KDM6A: variants seen among roughly 807,000 people sequenced by gnomAD.
The protein encoded by KDM6A is lysine demethylase 6A, also known as lysine-specific demethylase 6A.
In KDM6A, 11 loss-of-function variants were observed where a neutral mutation model predicts 117.6. The ratio of observed to expected loss-of-function variants is 0.09; its 90% CI spans 0.06 to 0.15. The LOEUF is 0.15. Among genes scored for constraint, KDM6A ranks in the 10% least tolerant of loss-of-function variants. KDM6A has a pLI of 1.00. For synonymous variants in KDM6A, 384 were observed against 396.1 expected (o/e 0.97, Z 0.36); for missense variants, 799 against 1,077.3 (o/e 0.74, Z 3.62).
chrX:45,094,805 T>C (rs2046039051), intron 27 of KDM6A, among the ~76,000 whole-genome samples: 1 of 111,853 alleles, frequency 8.9e-6, no homozygotes, highest in South Asian at 3.7e-4. Context: ...TGAGCTTAAA[T>C]GTATATACGA....
intron 21 of KDM6A, among the ~76,000 whole-genome samples, chrX:45,081,306 T>C (rs1241573760): frequency 8.9e-6 from 1 of 112,062 alleles, no homozygotes; most frequent in African/African-American, 3.2e-5. Context: ...TCAGACACTA[T>C]ACATTTAAAG....
In KDM6A at chrX:44,873,934, G is replaced by A; in HGVS notation, c.172G>A (p.Gly58Arg). The A allele has an allele frequency of 1.7e-6, 2 of 1,211,199 alleles. No homozygotes were observed. Among genetic ancestry groups the A allele is most frequent in the Non-Finnish European group, 2.2e-6 (2 of 894,801 alleles). ...ALGGLDSRLF[G>R]FVRFHEDGAR... ...TGTCTGTCTCCACAGCCGCCTCTTT[G>A]GGTTCGTGAGATTTCATGAAGATGG... The change falls in exon 2 of 30, where the codon GGG becomes AGG. Residue 58 changes from glycine to arginine, a missense_variant. Transcript: ENST00000611820.
At chrX:44,897,138 CTTTTT>C (rs752521695) in intron 2 of KDM6A, among the ~76,000 whole-genome samples, 2 of 73,026 alleles carry the variant, frequency 2.7e-5, no homozygotes, top group Non-Finnish European at 5.6e-5. Context: ...AGGCTTTGTT[CTTTTT>C]TTTTTTTTTT....
chrX:44,989,229 C>T (rs1186540930), intron 4 of KDM6A, among the ~76,000 whole-genome samples: 1 of 99,449 alleles, frequency 1.0e-5, no homozygotes, highest in African/African-American at 3.7e-5. Context: ...ATCTGGTATG[C>T]CGTTTGCTAA....
intron 16 of KDM6A, 85 bp from the exon 17 acceptor site, chrX:45,063,337 T>A (rs902686620): frequency 2.3e-6 from 2 of 878,891 alleles, no homozygotes; most frequent in Non-Finnish European, 3.3e-6. Flanking sequence ...CATATTCATC[T>A]GGGGATTCAT....
At chrX:45,086,924 A>G (rs986539897) in intron 25 of KDM6A, among the ~76,000 whole-genome samples, 2 of 112,735 alleles carry the variant, frequency 1.8e-5, no homozygotes, top group African/African-American at 6.4e-5. Flanking sequence ...GAAAACACCC[A>G]CAGAAAACAT....
chrX:44,998,611 T>A (rs1230955898), intron 4 of KDM6A, among the ~76,000 whole-genome samples: 1 of 111,628 alleles, frequency 9.0e-6, no homozygotes, highest in African/African-American at 3.3e-5. Flanking sequence ...TGTTTTTCTT[T>A]CCCAGATCTG....
In KDM6A at chrX:44,894,206, T is replaced by C. The variant is rs1480442191; in HGVS notation, c.225+20219T>C. ...GTAACATTTTTTGTACAGTATCTGG[T>C]TTTGGTGTCAGGATAATACCAGCCT... is the stretch of plus-strand genomic sequence containing the variant. On this transcript the variant is annotated intron_variant, in intron 2 of 29. Transcript: ENST00000611820. Among the ~76,000 whole-genome samples the C allele has an allele frequency of 2.7e-5, 3 of 111,847 alleles. No individual in the cohort carries two copies. In the Admixed American group the frequency reaches 2.9e-4, roughly 11 times the overall value.
chrX:44,896,400 C>T (rs1419636634), intron 2 of KDM6A, among the ~76,000 whole-genome samples: 1 of 111,323 alleles, frequency 9.0e-6, no homozygotes, highest in East Asian at 2.8e-4. Context: ...CTTAAGTGTA[C>T]TTACATTCTC....
chrX:44,959,635 G>A (rs188830793), intron 2 of KDM6A, among the ~76,000 whole-genome samples: 435 of 111,108 alleles, frequency 3.9e-3, no homozygotes, highest in Non-Finnish European at 7.0e-3. Flanking sequence ...ATTCATTAAT[G>A]TAAAATTAAG....
At chrX:44,920,738 C>CT (rs967026311) in intron 2 of KDM6A, among the ~76,000 whole-genome samples, 3 of 110,648 alleles carry the variant, frequency 2.7e-5, no homozygotes, top group African/African-American at 9.9e-5. Context: ...GCCTGGCCTA[C>CT]TTTTAACATT....
At chrX:45,088,798 A>G (rs1298855199) in intron 25 of KDM6A, among the ~76,000 whole-genome samples, 1 of 113,112 alleles carries the variant, frequency 8.8e-6, no homozygotes, top group East Asian at 2.8e-4. Context: ...ATGATGGAGA[A>G]TAAGAAGCCA....
chrX:44,981,383 T>A (rs2039898853), intron 4 of KDM6A, among the ~76,000 whole-genome samples: 1 of 111,718 alleles, frequency 9.0e-6, no homozygotes, highest in Non-Finnish European at 1.9e-5. Flanking sequence ...TTATAATGGG[T>A]ACAGATGAAG....
chrX:44,932,617 T>G (rs1408885896), intron 2 of KDM6A, among the ~76,000 whole-genome samples: 1 of 111,787 alleles, frequency 8.9e-6, no homozygotes, highest in East Asian at 2.8e-4. Flanking sequence ...AACTGCCCTT[T>G]CTTTTTCTAC....
chrX:44,935,770 A>G (rs1248040226), intron 2 of KDM6A, among the ~76,000 whole-genome samples: 2 of 111,552 alleles, frequency 1.8e-5, no homozygotes, highest in Non-Finnish European at 3.8e-5. Context: ...CCGCTAGGGA[A>G]CTCTAGGCTA....
chrX:44,966,025 A>G (rs145779948), intron 3 of KDM6A, among the ~76,000 whole-genome samples: 4,300 of 111,895 alleles, frequency 0.038, 221 homozygotes, highest in African/African-American at 0.13. Context: ...TTAGGTTTAC[A>G]TATGAGGCTA....
intron 4 of KDM6A, among the ~76,000 whole-genome samples, chrX:44,995,202 T>C (rs1349485464): frequency 9.0e-6 from 1 of 111,301 alleles, no homozygotes; most frequent in African/African-American, 3.3e-5. Flanking sequence ...TGGTACCTAA[T>C]TTGTTTCCTA....
chrX:44,998,768 T>C (rs911237922), intron 4 of KDM6A, among the ~76,000 whole-genome samples: 17 of 111,949 alleles, frequency 1.5e-4, no homozygotes, highest in African/African-American at 5.2e-4. Context: ...GTTAATATCC[T>C]AGCATAAAAA....
At position 45,097,656 on chromosome X, in the gene KDM6A, T is replaced by C. The variant is rs1479230761; in HGVS notation, c.4034+6792T>C. Among the ~76,000 whole-genome samples, 24 of 111,742 alleles carry C rather than the reference T, an allele frequency of 2.1e-4. No homozygotes were observed. The Admixed American group carries it at 2.2e-3, about 10-fold the overall frequency. ...TGGGAAATGGTGTTTTCTTCTGTTG[T>C]CACCTCCTGATTCCTCATTATCATT... On this transcript the variant is annotated intron_variant, in intron 27 of 29. Transcript: ENST00000611820.
Sources: allele counts gnomAD v4.1 joint callset (sites outside exome capture counted in the v4.1 genomes callset), GRCh38; gene constraint gnomAD v4.1.1; transcripts MANE v1.5; gene names NCBI Gene and HGNC (gene_info 2026-07-23, HGNC 2026-07-21).